GNA14: variants seen among roughly 807,000 people sequenced by gnomAD.
GNA14 encodes the protein guanine nucleotide-binding protein subunit alpha-14.
In GNA14, 50 loss-of-function variants were observed where a neutral mutation model predicts 42.0. That is an observed-to-expected ratio of 1.19 (90% confidence interval 0.95 to 1.51). The LOEUF (loss-of-function observed/expected upper bound fraction) is 1.51. Ranked by LOEUF, GNA14 falls within the 40% of genes most tolerant of loss-of-function variation. The probability of loss-of-function intolerance (pLI) is 0.00; values close to 1 mark genes in which losing one functional copy is unlikely to be tolerated. For missense variants in GNA14, 473 were observed against 446.2 expected (o/e 1.06, Z -0.54); for synonymous variants, 173 against 163.1 (o/e 1.06, Z -0.46).
At chr9:77,514,177 C>T (rs531551638) in intron 2 of GNA14, among the ~76,000 whole-genome samples, 3 of 152,156 alleles carry the variant, frequency 2.0e-5, no homozygotes, top group Non-Finnish European at 4.4e-5. Context: ...TTTCCAATGG[C>T]CAAATATTTC....
chr9:77,620,740 T>C (rs1056852323), intron 1 of GNA14, among the ~76,000 whole-genome samples: 1 of 150,050 alleles, frequency 6.7e-6, no homozygotes, highest in African/African-American at 2.5e-5. Context: ...CCAGCTACTC[T>C]GGAGGCTGAG....
At chr9:77,636,761 C>A (rs559756901) in intron 1 of GNA14, among the ~76,000 whole-genome samples, 16 of 152,138 alleles carry the variant, frequency 1.1e-4, no homozygotes, top group African/African-American at 3.9e-4. Context: ...GGATCTGACC[C>A]GACGACCTAA....
intron 2 of GNA14, among the ~76,000 whole-genome samples, chr9:77,498,116 G>A (rs1276870497): frequency 6.6e-6 from 1 of 152,150 alleles, no homozygotes; most frequent in Non-Finnish European, 1.5e-5. Context: ...GCTCACGCCT[G>A]TAATCCCAGC....
At chr9:77,516,251 C>T (rs528406141) in intron 2 of GNA14, among the ~76,000 whole-genome samples, 1 of 152,272 alleles carries the variant, frequency 6.6e-6, no homozygotes, top group South Asian at 2.1e-4. Flanking sequence ...TCATTTCATT[C>T]GTATAACAAA....
At chr9:77,581,001 G>C (rs1823214885) in intron 1 of GNA14, among the ~76,000 whole-genome samples, 1 of 103,090 alleles carries the variant, frequency 9.7e-6, no homozygotes, top group Admixed American at 1.1e-4. Context: ...ATACAATAAA[G>C]GCACACACAC....
chr9:77,506,449 T>C (rs1243674960), intron 2 of GNA14, among the ~76,000 whole-genome samples: 1 of 152,090 alleles, frequency 6.6e-6, no homozygotes, highest in Non-Finnish European at 1.5e-5. Context: ...GAGACCGAGG[T>C]GGGCAGATCA....
At chr9:77,516,377 C>T (rs1381071290) in intron 2 of GNA14, among the ~76,000 whole-genome samples, 2 of 152,154 alleles carry the variant, frequency 1.3e-5, no homozygotes, top group Non-Finnish European at 2.9e-5. Flanking sequence ...GGCAGAGATA[C>T]CACTCACTTG....
At chr9:77,434,287 C>T (rs1835605970) in intron 3 of GNA14, 81 bp downstream of exon 3, 6 of 1,304,358 alleles carry the variant, frequency 4.6e-6, no homozygotes, top group Non-Finnish European at 4.3e-6. Flanking sequence ...ATTTCAGCAG[C>T]GTTCAGCGAG....
chr9:77,474,064 C>T (rs143365617), intron 2 of GNA14, among the ~76,000 whole-genome samples: 113 of 152,222 alleles, frequency 7.4e-4, no homozygotes, highest in African/African-American at 2.5e-3. Context: ...TTAGAAGTAA[C>T]ATAGGCATAA....
chr9:77,611,334 G>C (rs752062895), intron 1 of GNA14, among the ~76,000 whole-genome samples: 3 of 152,210 alleles, frequency 2.0e-5, no homozygotes, highest in Non-Finnish European at 1.5e-5. Flanking sequence ...GGAGCTACAT[G>C]GGCAGGCCCA....
rs1837486109 is a variant in GNA14 at position 77,529,085 on chromosome 9, A to G, written c.293T>C (p.Val98Ala). The G allele has an allele frequency of 1.2e-6, 2 of 1,614,126 alleles. No individual in the cohort carries two copies. The highest frequency in any genetic ancestry group is 2.7e-5 in the African/African-American group (2 of 75,050). ...RAMDTLRIQY[V>A]CEQNKENAQI... The stretch of plus-strand genomic sequence containing the variant: ...GCACGTTACCTTATTCTGTTCACAC[A>G]CATACTGTATCCTTAGCGTGTCCAT... Residue 98 changes from valine (V) to alanine (A), a missense_variant, in exon 2 of 7, where the codon GTG (valine) becomes GCG (alanine). Transcript: ENST00000341700.
Position 77,515,976 on chromosome 9 carries a change from A to C in GNA14, c.309+13093T>G, listed in dbSNP as rs1055182072. 4.0e-5 allele frequency among the ~76,000 whole-genome samples: 6 copies of C among 149,096 alleles called. No individual in the cohort carries two copies. The East Asian group carries it at 7.9e-4, about 20-fold the overall frequency. The stretch of plus-strand genomic sequence containing the variant: ...CCTGTCTCACAAAAAAAAAAAAAAA[A>C]AAAAAAACCCAGAGCAGGAAGAGAC... On this transcript the variant is annotated intron_variant, in intron 2 of 6. Transcript: ENST00000341700.
At chr9:77,584,562 A>G (rs1823272577) in intron 1 of GNA14, among the ~76,000 whole-genome samples, 1 of 146,958 alleles carries the variant, frequency 6.8e-6, no homozygotes, top group Admixed American at 6.8e-5. Context: ...TAGCAGGAAG[A>G]GCCAGCAAGC....
chr9:77,524,978 AC>A (rs1837412449), intron 2 of GNA14, among the ~76,000 whole-genome samples: 3 of 152,272 alleles, frequency 2.0e-5, no homozygotes, highest in African/African-American at 7.2e-5. Flanking sequence ...CTTCCCCAGG[AC>A]CAGGGTCAGC....
intron 1 of GNA14, among the ~76,000 whole-genome samples, chr9:77,632,511 T>C (rs1824114815): frequency 6.6e-6 from 1 of 152,116 alleles, no homozygotes; most frequent in Admixed American, 6.5e-5. Context: ...AGGGCTGAAA[T>C]ATGCCCCTTG....
intron 1 of GNA14, among the ~76,000 whole-genome samples, chr9:77,623,099 C>A (rs1295311391): frequency 6.7e-6 from 1 of 149,486 alleles, no homozygotes; most frequent in African/African-American, 2.4e-5. Flanking sequence ...CCTGTAGTTC[C>A]AGCTACTCAG....
intron 2 of GNA14, among the ~76,000 whole-genome samples, chr9:77,501,753 C>T (rs1343342531): frequency 1.4e-5 from 2 of 141,956 alleles, no homozygotes; most frequent in Admixed American, 7.2e-5. Flanking sequence ...CTCTGTCACC[C>T]GGGTTGGAGT....
At chr9:77,630,489 C>T (rs969329274) in intron 1 of GNA14, among the ~76,000 whole-genome samples, 2 of 151,930 alleles carry the variant, frequency 1.3e-5, no homozygotes, top group South Asian at 2.1e-4. Context: ...ACAGCTTTTT[C>T]GGAGGTTTGA....
intron 2 of GNA14, among the ~76,000 whole-genome samples, chr9:77,504,770 C>A (rs575172418): frequency 5.9e-4 from 87 of 148,052 alleles, no homozygotes; most frequent in African/African-American, 2.0e-3. Context: ...TGGGTTCAAG[C>A]GATTCTCCTG....
Sources: allele counts gnomAD v4.1 joint callset (sites outside exome capture counted in the v4.1 genomes callset), GRCh38; gene constraint gnomAD v4.1.1; transcripts MANE v1.5; gene names NCBI Gene and HGNC (gene_info 2026-07-23, HGNC 2026-07-21).